TMTC2: variants seen among roughly 807,000 people sequenced by gnomAD.
TMTC2 encodes the protein transmembrane O-mannosyltransferase targeting cadherins 2, also known as protein O-mannosyl-transferase TMTC2.
TMTC2 carries 43 observed loss-of-function variants against 82.4 expected under a neutral mutation model. That is an observed-to-expected ratio of 0.52 (90% CI 0.41 to 0.67). The LOEUF is 0.67. Ranked by LOEUF, TMTC2 falls within the 30% of genes least tolerant of loss-of-function variation. TMTC2 has a pLI of 0.00. For synonymous variants in TMTC2, 408 were observed against 381.9 expected, an observed-to-expected ratio of 1.07 and a Z score of -0.80; for missense variants, 919 against 1,012.4, an observed-to-expected ratio of 0.91 and a Z score of 1.25.
intron 8 of TMTC2, among the ~76,000 whole-genome samples, chr12:82,998,069 A>G (rs1209697274): frequency 1.3e-5 from 2 of 152,198 alleles, no homozygotes; most frequent in African/African-American, 4.8e-5. Flanking sequence ...GAAAGAAACT[A>G]CTATTTACCT....
At chr12:82,810,911 G>A (rs529191613) in intron 1 of TMTC2, among the ~76,000 whole-genome samples, 18 of 152,184 alleles carry the variant, frequency 1.2e-4, no homozygotes, top group African/African-American at 4.3e-4. Flanking sequence ...TTTCCCCAGC[G>A]ATGCTGAACT....
chr12:82,918,217 C>T (rs1875132619), intron 3 of TMTC2, among the ~76,000 whole-genome samples: 1 of 152,140 alleles, frequency 6.6e-6, no homozygotes, highest in African/African-American at 2.4e-5. Context: ...CCAAAATTGG[C>T]TTTTAATCTG....
intron 9 of TMTC2, among the ~76,000 whole-genome samples, chr12:83,042,923 C>G (rs1328767396): frequency 6.6e-6 from 1 of 152,170 alleles, no homozygotes; most frequent in Non-Finnish European, 1.5e-5. Context: ...AATAAGCAGT[C>G]CAGATTGATC....
chr12:82,914,582 T>C (rs1453691764), intron 3 of TMTC2, among the ~76,000 whole-genome samples: 1 of 152,192 alleles, frequency 6.6e-6, no homozygotes, highest in Non-Finnish European at 1.5e-5. Context: ...AGTTATGTTT[T>C]TGTTGCCCTG....
chr12:82,884,724 G>T (rs1035783201), intron 2 of TMTC2, among the ~76,000 whole-genome samples: 3 of 152,088 alleles, frequency 2.0e-5, no homozygotes, highest in African/African-American at 7.2e-5. Flanking sequence ...TTAGTGTTGT[G>T]CATTTGTTGC....
chr12:82,744,057 G>A (rs1474068102), intron 1 of TMTC2, among the ~76,000 whole-genome samples: 1 of 152,090 alleles, frequency 6.6e-6, no homozygotes, highest in Non-Finnish European at 1.5e-5. Context: ...AGGATCGCTC[G>A]AAGCCAGGAG....
At chr12:82,786,439 G>GTCATTTTAT (rs1437093520) in intron 1 of TMTC2, among the ~76,000 whole-genome samples, 1 of 152,028 alleles carries the variant, frequency 6.6e-6, no homozygotes, top group Admixed American at 6.5e-5. Flanking sequence ...TTGTATTGTA[G>GTCATTTTAT]TCATTTTATT....
intron 9 of TMTC2, among the ~76,000 whole-genome samples, chr12:83,045,727 G>GGGCTCACACACACACACACACACACACA (rs1437284307): frequency 5.0e-4 from 71 of 142,530 alleles, no homozygotes; most frequent in East Asian, 1.9e-3. Context: ...ACACACACAC[G>GGGCTCACACACACACACACACACACACA]CACACACACA....
chr12:82,940,014 C>CTTTTTTTTTTTTTTTTTTTTTTTTTT (rs71309537), intron 4 of TMTC2, among the ~76,000 whole-genome samples: 1 of 91,264 alleles, frequency 1.1e-5, no homozygotes, highest in Non-Finnish European at 2.2e-5. Flanking sequence ...TCTTTCTTTA[C>CTTTTTTTTTTTTTTTTTTTTTTTTTT]TTTTTTTTTT....
intron 1 of TMTC2, among the ~76,000 whole-genome samples, chr12:82,746,415 G>T (rs577564152): frequency 6.6e-6 from 1 of 152,086 alleles, no homozygotes; most frequent in Non-Finnish European, 1.5e-5. Context: ...TCATTTAATT[G>T]AACACATATT....
intron 1 of TMTC2, among the ~76,000 whole-genome samples, chr12:82,741,739 A>C (rs145449832): frequency 2.6e-5 from 4 of 152,236 alleles, no homozygotes; most frequent in South Asian, 2.1e-4. Context: ...TTTGATGTAA[A>C]GTGTGGAGGC....
chr12:82,981,676 G>A (rs1878924907), intron 7 of TMTC2, among the ~76,000 whole-genome samples: 1 of 151,816 alleles, frequency 6.6e-6, no homozygotes, highest in East Asian at 1.9e-4. Context: ...TGTAAGTTAA[G>A]AAAAATTACG....
chr12:83,107,772 C>CA (rs869057819), intron 11 of TMTC2, among the ~76,000 whole-genome samples: 2 of 2,870 alleles, frequency 7.0e-4, no homozygotes, highest in South Asian at 0.027. Context: ...ATCCTTATGA[C>CA]CCCCCGTGCC....
rs147502367 is a variant in TMTC2, at chr12:83,019,855, G to A, written c.2071-10943G>A. On this transcript the variant is annotated intron_variant, in intron 8 of 11. Transcript: ENST00000321196. ...CTCAGAGTGATATTCATAAAACAGC[G>A]GCTAGCATCTTAGTATGACTGATAA... 9.7e-4 allele frequency among the ~76,000 whole-genome samples: 147 copies of A among 152,060 alleles called. 1 individual carries two copies. The highest frequency in any genetic ancestry group is 2.4e-3 in the African/African-American group (100 of 41,470).
intron 1 of TMTC2, among the ~76,000 whole-genome samples, chr12:82,805,005 T>G (rs1879177004): frequency 6.6e-6 from 1 of 152,080 alleles, no homozygotes. Context: ...GCCATGAGAG[T>G]ACACCAAACA....
intron 8 of TMTC2, among the ~76,000 whole-genome samples, chr12:82,990,156 A>C (rs551161419): frequency 1.3e-5 from 2 of 152,336 alleles, no homozygotes; most frequent in African/African-American, 4.8e-5. Flanking sequence ...GAAGAGGAAT[A>C]GAAATTGAGT....
At chr12:82,799,335 C>T (rs559567515) in intron 1 of TMTC2, among the ~76,000 whole-genome samples, 1 of 152,062 alleles carries the variant, frequency 6.6e-6, no homozygotes, top group Non-Finnish European at 1.5e-5. Flanking sequence ...CCGTTGTTTT[C>T]CAGAAGTAAG....
intron 1 of TMTC2, among the ~76,000 whole-genome samples, chr12:82,805,474 G>A (rs1054205480): frequency 1.5e-5 from 2 of 133,524 alleles, no homozygotes; most frequent in African/African-American, 5.6e-5. Context: ...ACACCCCTTA[G>A]TAAGTTTACT....
intron 1 of TMTC2, among the ~76,000 whole-genome samples, chr12:82,729,618 C>G (rs973087796): frequency 6.6e-6 from 1 of 152,140 alleles, no homozygotes; most frequent in East Asian, 1.9e-4. Context: ...CCAATCAGCA[C>G]CCTGTGAAAA....
Sources: allele counts gnomAD v4.1 joint callset (sites outside exome capture counted in the v4.1 genomes callset), GRCh38; gene constraint gnomAD v4.1.1; transcripts MANE v1.5; gene names NCBI Gene and HGNC (gene_info 2026-07-23, HGNC 2026-07-21).